The following HPRT1 variants were observed in gnomAD, a reference collection of about 807,000 sequenced individuals.
The protein encoded by HPRT1 is hypoxanthine phosphoribosyltransferase 1.
Under a neutral mutation model 19.0 loss-of-function variants are expected in HPRT1, and 4 were observed. The observed-to-expected ratio is 0.21, with a 90% CI of 0.10 to 0.48. The LOEUF (loss-of-function observed/expected upper bound fraction) is 0.48, where lower values mean the gene tolerates loss of function less well. Among genes scored for constraint, HPRT1 ranks in the 20% least tolerant of loss-of-function variants. HPRT1 has a pLI of 0.98. For missense variants in HPRT1, 65 were observed against 164.0 expected, an observed-to-expected ratio of 0.40 and a Z score of 3.30; for synonymous variants, 53 against 54.9, an observed-to-expected ratio of 0.97 and a Z score of 0.15.
At chrX:134,493,851 C>A (rs1233294823) in intron 6 of HPRT1, among the ~76,000 whole-genome samples, 2 of 111,316 alleles carry the variant, frequency 1.8e-5, no homozygotes, top group Non-Finnish European at 3.8e-5. Context: ...AATAGCATGG[C>A]AGAGGATTTT....
intron 5 of HPRT1, among the ~76,000 whole-genome samples, chrX:134,491,502 A>G (rs2077666341): frequency 9.0e-6 from 1 of 111,334 alleles, no homozygotes; most frequent in Non-Finnish European, 1.9e-5. Flanking sequence ...ATGTTGAACC[A>G]TCGTAAGTTG....
chrX:134,463,734 C>T (rs17885981), intron 1 of HPRT1, among the ~76,000 whole-genome samples: 557 of 111,728 alleles, frequency 5.0e-3, no homozygotes, highest in Admixed American at 7.5e-3. Context: ...TCATTTTACT[C>T]CCTTGTAGTG....
At chrX:134,465,145 C>T (rs1410915376) in intron 1 of HPRT1, among the ~76,000 whole-genome samples, 4 of 106,716 alleles carry the variant, frequency 3.7e-5, no homozygotes, top group Non-Finnish European at 5.8e-5. Context: ...AGGGGTGATC[C>T]GCCCACCTCA....
At chrX:134,499,346 G>GC in intron 8 of HPRT1, among the ~76,000 whole-genome samples, 1 of 110,742 alleles carries the variant, frequency 9.0e-6, no homozygotes, top group South Asian at 3.9e-4. Flanking sequence ...AGGCGTAGTG[G>GC]TGTGTGCCTG....
At chrX:134,462,214 C>T (rs1396219259) in intron 1 of HPRT1, among the ~76,000 whole-genome samples, 1 of 110,986 alleles carries the variant, frequency 9.0e-6, no homozygotes, top group Non-Finnish European at 1.9e-5. Flanking sequence ...GAGTTTCGCT[C>T]TTGTTGCCCG....
At position 134,492,043 on chromosome X, in the gene HPRT1, A is replaced by G. The variant is rs970680307; in HGVS notation, c.403-1465A>G. Among the ~76,000 whole-genome samples the G allele has an allele frequency of 9.3e-4, 93 of 100,467 alleles. 1 individual carries two copies. Among genetic ancestry groups the G allele is most frequent in the Admixed American group, 5.0e-3 (44 of 8,831 alleles). The allele number at this position is 100,467 out of a possible 115,157, so 87.2% of individuals were successfully genotyped here. A position where few individuals can be genotyped will look rare whatever the true frequency, so the allele number is the denominator to read the frequency against. On this transcript the variant is annotated intron_variant, in intron 5 of 8. Coordinates refer to ENST00000298556, the MANE Select transcript of HPRT1 (RefSeq NM_000194.3). Reference sequence around the variant, plus strand: ...TATACATATATATATATACACACACACACACATATATATATATATAGTTTT... The same window carrying G: ...TATACATATATATATATACACACACGCACACATATATATATATATAGTTTT...
At chrX:134,469,799 T>C (rs1850545250) in intron 1 of HPRT1, among the ~76,000 whole-genome samples, 2 of 112,281 alleles carry the variant, frequency 1.8e-5, no homozygotes, top group African/African-American at 3.2e-5. Context: ...TGGTGCATTT[T>C]CATTCTTGTC....
intron 6 of HPRT1, among the ~76,000 whole-genome samples, chrX:134,493,949 G>A (rs2077674218): frequency 8.9e-6 from 1 of 111,778 alleles, no homozygotes; most frequent in South Asian, 3.7e-4. Context: ...TGGACCTCCT[G>A]GAATTGAGTG....
rs772417323 is a variant in HPRT1, at chrX:134,475,033, ACCATGC to A, written c.135-146_135-141del. The A allele has an allele frequency of 1.3e-5, 6 of 456,877 alleles. No homozygotes were observed. In the Admixed American group the frequency reaches 1.4e-4, roughly 11 times the overall value. The allele number at this position is 456,877 out of a possible 1,213,427, so 37.7% of individuals were successfully genotyped here. On this transcript the variant is annotated intron_variant, in intron 2 of 8. Transcript: ENST00000298556. ...GTAGCTGGGACTACAGGTACATGCT[ACCATGC>A]CTGGCTAATTTTTTTTTTTTTGCAG... is the stretch of plus-strand genomic sequence containing the variant.
At chrX:134,488,800 A>G (rs73557332) in intron 4 of HPRT1, among the ~76,000 whole-genome samples, 1,599 of 111,866 alleles carry the variant, frequency 0.014, 31 homozygotes, top group African/African-American at 0.049. Context: ...CTGGGACCTC[A>G]TACAAATGGG....
intron 3 of HPRT1, among the ~76,000 whole-genome samples, chrX:134,477,068 T>TTTA (rs1367809545): frequency 9.8e-6 from 1 of 102,219 alleles, no homozygotes; most frequent in African/African-American, 3.6e-5. Flanking sequence ...TATTTATTTA[T>TTTA]TTTTTTTTTT....
At chrX:134,496,690 G>T (rs997612603) in intron 6 of HPRT1, among the ~76,000 whole-genome samples, 5 of 111,940 alleles carry the variant, frequency 4.5e-5, no homozygotes, top group African/African-American at 1.6e-4. Flanking sequence ...TGGAGTCTCC[G>T]GCTTAGGTCA....
intron 3 of HPRT1, among the ~76,000 whole-genome samples, chrX:134,482,522 CAT>C (rs2077642943): frequency 1.8e-5 from 2 of 112,048 alleles, no homozygotes; most frequent in South Asian, 3.7e-4. Flanking sequence ...CCACTAGTGA[CAT>C]GTGGCTTTTG....
intron 3 of HPRT1, among the ~76,000 whole-genome samples, chrX:134,475,572 T>C (rs769792058): frequency 3.1e-4 from 35 of 111,820 alleles, no homozygotes; most frequent in African/African-American, 1.1e-3. Context: ...TACAGGTGTG[T>C]GTGGTTTTTT....
intron 1 of HPRT1, among the ~76,000 whole-genome samples, chrX:134,471,378 G>A (rs2077610083): frequency 9.0e-6 from 1 of 111,225 alleles, no homozygotes; most frequent in African/African-American, 3.3e-5. Context: ...TCACATCACA[G>A]GTACCATATC....
At chrX:134,494,955 T>C (rs1397559682) in intron 6 of HPRT1, among the ~76,000 whole-genome samples, 1 of 111,658 alleles carries the variant, frequency 9.0e-6, no homozygotes, top group African/African-American at 3.3e-5. Flanking sequence ...TGTATCTTCT[T>C]TGAACCCCAC....
chrX:134,491,061 A>G (rs986902474), intron 5 of HPRT1, among the ~76,000 whole-genome samples: 2 of 105,907 alleles, frequency 1.9e-5, no homozygotes, highest in Non-Finnish European at 3.9e-5. Context: ...TTATATATAT[A>G]TAATCTATAG....
intron 3 of HPRT1, among the ~76,000 whole-genome samples, chrX:134,475,982 C>T (rs1229728975): frequency 8.9e-6 from 1 of 111,794 alleles, no homozygotes; most frequent in East Asian, 2.8e-4. Context: ...ATCGTGCAAA[C>T]GTTTGATTTT....
In HPRT1 at chrX:134,498,290, G is replaced by C; in HGVS notation, c.486-100G>C. The stretch of plus-strand genomic sequence containing the variant: ...GTTAAAAGTGACCATGGTACACTCA[G>C]CACGGATGAAATGAAACAGTGTTTA... On this transcript the variant is annotated intron_variant, in intron 6 of 8. Transcript: ENST00000298556. The C allele has an allele frequency of 7.3e-6, 5 of 687,276 alleles. No homozygotes were observed. The South Asian group carries it at 1.1e-4, about 15-fold the overall frequency. The allele number at this position is 687,276 out of a possible 1,213,427, so 56.6% of individuals were successfully genotyped here.
Sources: allele counts gnomAD v4.1 joint callset (sites outside exome capture counted in the v4.1 genomes callset), GRCh38; gene constraint gnomAD v4.1.1; transcripts MANE v1.5; gene names NCBI Gene and HGNC (gene_info 2026-07-23, HGNC 2026-07-21).